The following ACAP2 variants were observed in gnomAD, a reference collection of about 807,000 sequenced individuals.
ACAP2 encodes ArfGAP with coiled-coil, ankyrin repeat and PH domains 2.
A neutral mutation model predicts 115.8 loss-of-function variants in ACAP2; 39 were observed. The observed-to-expected ratio is 0.34, with a 90% CI of 0.26 to 0.44. The LOEUF is 0.44. ACAP2 is among the 20% of genes least tolerant of loss of function. The pLI is 1.00. For missense variants in ACAP2, 662 were observed against 927.6 expected, an observed-to-expected ratio of 0.71 and a Z score of 3.72; for synonymous variants, 289 against 315.8, an observed-to-expected ratio of 0.92 and a Z score of 0.90.
At chr3:195,327,358 A>T (rs1349235579) in intron 8 of ACAP2, among the ~76,000 whole-genome samples, 1 of 152,142 alleles carries the variant, frequency 6.6e-6, no homozygotes, top group Admixed American at 6.5e-5. Flanking sequence ...TCTTTCCCAA[A>T]CAGCAAAAAG....
intron 5 of ACAP2, 110 bp from the exon 6 acceptor site, chr3:195,342,764 G>A (rs1730960439): frequency 1.3e-6 from 1 of 744,760 alleles, no homozygotes; most frequent in Non-Finnish European, 2.1e-6. Context: ...GGGAGGCCGA[G>A]GTGGGTGGAT....
intron 2 of ACAP2, among the ~76,000 whole-genome samples, chr3:195,391,716 C>A (rs960938295): frequency 6.6e-6 from 1 of 152,112 alleles, no homozygotes; most frequent in South Asian, 2.1e-4. Context: ...GCTACCAGGC[C>A]AGGTGCGATG....
At chr3:195,300,043 T>TC (rs988912529) in intron 15 of ACAP2, among the ~76,000 whole-genome samples, 7 of 34,902 alleles carry the variant, frequency 2.0e-4, no homozygotes, top group Non-Finnish European at 3.7e-4. Flanking sequence ...TCTTTTTTTT[T>TC]CTTTTTTTTT....
At chr3:195,320,166 T>C (rs1729357471) in intron 10 of ACAP2, among the ~76,000 whole-genome samples, 1 of 152,234 alleles carries the variant, frequency 6.6e-6, no homozygotes, top group Admixed American at 6.5e-5. Context: ...CATGGAGAAC[T>C]GTGAACCAAT....
At chr3:195,336,101 A>C (rs1730489728) in intron 7 of ACAP2, 1 of 151,324 alleles carries the variant, frequency 6.6e-6, no homozygotes, top group Non-Finnish European at 1.5e-5. Context: ...ATGGGGTTTC[A>C]CCATGTTGGC....
Position 195,442,884 on chromosome 3 carries a change from AGGG to A in ACAP2, c.-40_-38del. The stretch of plus-strand genomic sequence containing the variant: ...CTCGCAGGCGGCGCTGGCAAAGCCG[AGGG>A]GGCCGCGGGAGCGGCCGCGCTGGGA... On this transcript the variant is annotated 5_prime_UTR_variant, in exon 1 of 23. Coordinates refer to ENST00000326793, the MANE Select transcript of ACAP2 (RefSeq NM_012287.6). The A allele has an allele frequency of 6.7e-7, 1 of 1,501,750 alleles. No homozygotes were observed. The highest frequency in any genetic ancestry group is 8.9e-7 in the Non-Finnish European group (1 of 1,126,250). The allele number at this position is 1,501,750 out of a possible 1,614,324, so 93.0% of individuals were successfully genotyped here. A position where few individuals can be genotyped will look rare whatever the true frequency, so the allele number is the denominator to read the frequency against.
intron 1 of ACAP2, among the ~76,000 whole-genome samples, chr3:195,424,628 A>C (rs75781888): frequency 0.024 from 3,603 of 151,964 alleles, 145 homozygotes; most frequent in African/African-American, 0.082. Flanking sequence ...TCAACTAAAA[A>C]AATTTTAAGA....
chr3:195,340,604 A>T (rs1730803078), intron 6 of ACAP2, among the ~76,000 whole-genome samples: 1 of 152,214 alleles, frequency 6.6e-6, no homozygotes, highest in South Asian at 2.1e-4. Context: ...TGGGAGGAAG[A>T]CCTAAAAGCA....
intron 10 of ACAP2, among the ~76,000 whole-genome samples, chr3:195,313,987 T>C (rs1428492022): frequency 6.6e-6 from 1 of 152,136 alleles, no homozygotes; most frequent in Admixed American, 6.5e-5. Context: ...TTTTGAGATA[T>C]TACCAACTAC....
chr3:195,354,904 C>A (rs113781568), intron 4 of ACAP2, among the ~76,000 whole-genome samples: 1 of 152,220 alleles, frequency 6.6e-6, no homozygotes, highest in African/African-American at 2.4e-5. Context: ...CACTCCATCA[C>A]GCAGGCTGGA....
chr3:195,319,240 G>A (rs1239317509), intron 10 of ACAP2, among the ~76,000 whole-genome samples: 3 of 152,228 alleles, frequency 2.0e-5, no homozygotes, highest in Non-Finnish European at 4.4e-5. Flanking sequence ...TCTGCGGCAG[G>A]GGAGGAGCCC....
intron 8 of ACAP2, among the ~76,000 whole-genome samples, chr3:195,328,070 G>C (rs559227237): frequency 6.6e-6 from 1 of 152,080 alleles, no homozygotes; most frequent in South Asian, 2.1e-4. Flanking sequence ...CTGGCTTCTT[G>C]AAATCCTATT....
intron 20 of ACAP2, 89 bp downstream of exon 20, chr3:195,291,617 T>G (rs1226440634): frequency 4.0e-6 from 4 of 1,009,900 alleles, no homozygotes; most frequent in Non-Finnish European, 5.6e-6. Flanking sequence ...AAACACTACC[T>G]GAAAACTTTA....
chr3:195,434,481 C>T (rs1715380682), intron 1 of ACAP2, among the ~76,000 whole-genome samples: 1 of 152,184 alleles, frequency 6.6e-6, no homozygotes, highest in Non-Finnish European at 1.5e-5. Context: ...GGCAATCCTC[C>T]TGCCTCGGCC....
chr3:195,308,313 A>G (rs139173880), intron 11 of ACAP2, among the ~76,000 whole-genome samples: 171 of 152,236 alleles, frequency 1.1e-3, no homozygotes, highest in African/African-American at 3.9e-3. Context: ...GTCATGGACT[A>G]GACAAAGATA....
intron 4 of ACAP2, among the ~76,000 whole-genome samples, chr3:195,355,705 A>G (rs1456980563): frequency 2.6e-5 from 4 of 152,212 alleles, no homozygotes; most frequent in Non-Finnish European, 5.9e-5. Flanking sequence ...TCTTCAGGAA[A>G]GGAGGAAAGC....
At chr3:195,307,169 A>T in intron 12 of ACAP2, 54 bp downstream of exon 12, 1 of 1,441,068 alleles carries the variant, frequency 6.9e-7, no homozygotes, top group Non-Finnish European at 9.7e-7. Flanking sequence ...AAAGTTATTT[A>T]AGACAAACTA....
At chr3:195,392,203 T>TC in intron 1 of ACAP2, 56 bp from the exon 2 acceptor site, 1 of 1,339,478 alleles carries the variant, frequency 7.5e-7, no homozygotes, top group Non-Finnish European at 1.0e-6. Context: ...TACACTTTAC[T>TC]CTTGAAAAGT....
At chr3:195,310,442 C>T (rs905694715) in intron 10 of ACAP2, among the ~76,000 whole-genome samples, 1 of 152,132 alleles carries the variant, frequency 6.6e-6, no homozygotes, top group Non-Finnish European at 1.5e-5. Context: ...TGCAACCCTG[C>T]CACATGGGAT....
Sources: allele counts gnomAD v4.1 joint callset (sites outside exome capture counted in the v4.1 genomes callset), GRCh38; gene constraint gnomAD v4.1.1; transcripts MANE v1.5; gene names NCBI Gene and HGNC (gene_info 2026-07-23, HGNC 2026-07-21).